CNTN6: variants seen among roughly 807,000 people sequenced by gnomAD.
The protein encoded by CNTN6 is contactin 6.
In CNTN6, 137 loss-of-function variants were observed where a neutral mutation model predicts 122.8. The observed-to-expected ratio is 1.12, with a 90% CI of 0.97 to 1.29. The LOEUF (loss-of-function observed/expected upper bound fraction) is 1.29. Among genes scored for constraint, CNTN6 ranks in the 50% most tolerant of loss-of-function variants. The pLI is 0.00. For missense variants in CNTN6, 1,634 were observed against 1,223.4 expected (o/e 1.34, Z -5.01); for synonymous variants, 570 against 426.0 (o/e 1.34, Z -4.16).
chr3:1,258,857 G>T (rs752973829), intron 4 of CNTN6, among the ~76,000 whole-genome samples: 3 of 152,076 alleles, frequency 2.0e-5, no homozygotes, highest in Non-Finnish European at 4.4e-5. Context: ...ATGCCTGATT[G>T]AGATATTAAT....
chr3:1,249,155 C>T (rs1175179341), intron 4 of CNTN6, among the ~76,000 whole-genome samples: 2 of 152,180 alleles, frequency 1.3e-5, no homozygotes, highest in South Asian at 2.1e-4. Context: ...AATCAAATAG[C>T]ATTACCATAG....
intron 20 of CNTN6, among the ~76,000 whole-genome samples, chr3:1,386,091 C>G (rs1231568496): frequency 6.6e-6 from 1 of 152,170 alleles, no homozygotes; most frequent in Non-Finnish European, 1.5e-5. Flanking sequence ...CATTCAAAAA[C>G]TGACCTCCTA....
intron 20 of CNTN6, among the ~76,000 whole-genome samples, chr3:1,387,462 C>T (rs372285948): frequency 1.2e-4 from 18 of 152,232 alleles, no homozygotes; most frequent in East Asian, 3.9e-4. Flanking sequence ...TCTGCAAATC[C>T]GAATGAAAAT....
chr3:1,103,574 A>G (rs1297141730), intron 1 of CNTN6, among the ~76,000 whole-genome samples: 1 of 152,218 alleles, frequency 6.6e-6, no homozygotes, highest in Non-Finnish European at 1.5e-5. Context: ...TGCAATAAAC[A>G]GAAACAACTT....
chr3:1,125,672 C>CAT (rs2092134366), intron 1 of CNTN6, among the ~76,000 whole-genome samples: 1 of 151,450 alleles, frequency 6.6e-6, no homozygotes, highest in Non-Finnish European at 1.5e-5. Context: ...ACTAGATGCA[C>CAT]CAAGTTTTAG....
intron 5 of CNTN6, among the ~76,000 whole-genome samples, chr3:1,284,407 T>C (rs1694001173): frequency 1.3e-5 from 2 of 152,166 alleles, no homozygotes; most frequent in African/African-American, 4.8e-5. Flanking sequence ...TAGGTCAAAT[T>C]GGCAGTGGAT....
At chr3:1,261,496 A>G (rs1196682358) in intron 4 of CNTN6, among the ~76,000 whole-genome samples, 1 of 151,622 alleles carries the variant, frequency 6.6e-6, no homozygotes, top group East Asian at 2.0e-4. Flanking sequence ...TCATTGGTTA[A>G]GGATCAGTCC....
intron 17 of CNTN6, among the ~76,000 whole-genome samples, chr3:1,378,020 C>A (rs1010220541): frequency 6.6e-6 from 1 of 152,126 alleles, no homozygotes; most frequent in Non-Finnish European, 1.5e-5. Flanking sequence ...ACCCAACTGG[C>A]TGCTGAAGGG....
chr3:1,126,611 A>G (rs762154092), intron 1 of CNTN6, among the ~76,000 whole-genome samples: 1 of 151,906 alleles, frequency 6.6e-6, no homozygotes, highest in Non-Finnish European at 1.5e-5. Context: ...GGCAGTGAGC[A>G]TGTTTGCCTT....
At chr3:1,214,483 T>C (rs993258727) in intron 2 of CNTN6, among the ~76,000 whole-genome samples, 1 of 151,612 alleles carries the variant, frequency 6.6e-6, no homozygotes, top group Admixed American at 6.6e-5. Flanking sequence ...TAATTTTTTA[T>C]ATTTTTAGTA....
At chr3:1,275,152 T>C (rs1692102061) in intron 4 of CNTN6, among the ~76,000 whole-genome samples, 1 of 152,206 alleles carries the variant, frequency 6.6e-6, no homozygotes, top group Non-Finnish European at 1.5e-5. Flanking sequence ...AAGGACCTTA[T>C]TTTATCTGTG....
At chr3:1,142,291 C>T (rs756081006) in intron 1 of CNTN6, among the ~76,000 whole-genome samples, 17 of 151,604 alleles carry the variant, frequency 1.1e-4, no homozygotes, top group Non-Finnish European at 2.1e-4. Context: ...ATAATTAGCA[C>T]TGTGTATAAC....
intron 4 of CNTN6, among the ~76,000 whole-genome samples, chr3:1,274,305 T>A (rs1467665551): frequency 6.6e-6 from 1 of 152,156 alleles, no homozygotes; most frequent in Non-Finnish European, 1.5e-5. Context: ...TAGGCTGATT[T>A]AGTTTTTTCA....
chr3:1,383,254 A>G, intron 18 of CNTN6, 39 bp from the exon 19 acceptor site: 1 of 1,599,946 alleles, frequency 6.3e-7, no homozygotes, highest in South Asian at 1.1e-5. Context: ...TCAATGAACC[A>G]CTCTGCTAAA....
chr3:1,102,678 A>C (rs1406047018), intron 1 of CNTN6, among the ~76,000 whole-genome samples: 3 of 149,928 alleles, frequency 2.0e-5, no homozygotes, highest in Non-Finnish European at 4.5e-5. Context: ...CAGTGAGCAG[A>C]GATGGCGCCA....
intron 4 of CNTN6, among the ~76,000 whole-genome samples, chr3:1,239,927 G>A (rs1427583186): frequency 6.6e-6 from 1 of 152,036 alleles, no homozygotes; most frequent in African/African-American, 2.4e-5. Flanking sequence ...GTGTGGAAAG[G>A]ACATCCTATT....
chr3:1,250,894 C>T (rs947121940), intron 4 of CNTN6, among the ~76,000 whole-genome samples: 8 of 151,794 alleles, frequency 5.3e-5, no homozygotes, highest in African/African-American at 1.9e-4. Flanking sequence ...GGGATAGAGT[C>T]GTCCCATCTC....
chr3:1,153,221 G>T (rs2092887332), intron 2 of CNTN6, among the ~76,000 whole-genome samples: 2 of 152,234 alleles, frequency 1.3e-5, no homozygotes, highest in East Asian at 1.9e-4. Context: ...ATGAAGAAGT[G>T]CAATAATTCA....
Position 1,403,362 on chromosome 3 carries a change from T to C in CNTN6, c.3031T>C (p.Phe1011Leu). 1 of 1,611,612 alleles carries C rather than the reference T, an allele frequency of 6.2e-7. No individual in the cohort carries two copies. The highest frequency in any genetic ancestry group is 8.5e-7 in the Non-Finnish European group (1 of 1,178,786). The change falls in exon 23 of 23, where the codon TTT (phenylalanine) becomes CTT (leucine). Residue 1011 changes from phenylalanine (F) to leucine (L), a missense_variant. Physicochemically the swap from Phe to Leu is conservative, Grantham distance 22. Coordinates refer to ENST00000446702, the MANE Select transcript of CNTN6 (RefSeq NM_001289080.2). ...TCAATTCTTAGAACCTAGCACCCATTTTCTTTCCATTGTCATTGTGATTTT... is the reference window on the plus strand; with the variant it reads ...TCAATTCTTAGAACCTAGCACCCATCTTCTTTCCATTGTCATTGTGATTTT... ...GIQFLEPSTH[F>L]LSIVIVIFHC...
Sources: allele counts gnomAD v4.1 joint callset (sites outside exome capture counted in the v4.1 genomes callset), GRCh38; gene constraint gnomAD v4.1.1; transcripts MANE v1.5; gene names NCBI Gene and HGNC (gene_info 2026-07-23, HGNC 2026-07-21).